The following PAK1 variants were observed in gnomAD, a reference collection of about 807,000 sequenced individuals.
The protein encoded by PAK1 is p21 (RAC1) activated kinase 1.
PAK1 carries 29 observed loss-of-function variants against 67.4 expected under a neutral mutation model. The ratio of observed to expected loss-of-function variants is 0.43; its 90% CI spans 0.32 to 0.59. The LOEUF is 0.59. Ranked by LOEUF, PAK1 falls within the 20% of genes least tolerant of loss-of-function variation. The pLI, the probability that PAK1 is intolerant of heterozygous loss-of-function variation, is 0.07. For missense variants in PAK1, 337 were observed against 670.7 expected, an observed-to-expected ratio of 0.50 and a Z score of 5.50; for synonymous variants, 223 against 237.4, an observed-to-expected ratio of 0.94 and a Z score of 0.56.
chr11:77,327,310 G>C lies in PAK1; in HGVS notation c.1552-3950C>G, dbSNP rs1940212008. Among the ~76,000 whole-genome samples the C allele has an allele frequency of 2.6e-5, 4 of 152,210 alleles. No homozygotes were observed. In the South Asian group the frequency reaches 8.3e-4, roughly 32 times the overall value. On this transcript the variant is annotated intron_variant, in intron 14 of 14. Coordinates refer to ENST00000356341, the MANE Select transcript of PAK1 (RefSeq NM_002576.5). The stretch of plus-strand genomic sequence containing the variant: ...GCCACAAAGATACTCCTCGAGAAGA[G>C]CAACTCCAAGACACATAATTGTCAG...
chr11:77,355,616 G>T, intron 7 of PAK1, 52 bp downstream of exon 7: 1 of 1,462,336 alleles, frequency 6.8e-7, no homozygotes, highest in Non-Finnish European at 9.5e-7. Context: ...AAATCTCTGT[G>T]CTTGACCAGT....
At position 77,423,436 on chromosome 11, in the gene PAK1, CA is replaced by C. The variant is rs1172588404; in HGVS notation, c.-21-30896del. Among the ~76,000 whole-genome samples the C allele has an allele frequency of 2.9e-3, 436 of 151,032 alleles. 4 individuals carry two copies. The highest frequency in any genetic ancestry group is 1.0e-2 in the African/African-American group (410 of 41,188). ...ACACACACACACACACACACACACA[CA>C]CACACCCCTTAGGACAATAGTAATC... On this transcript the variant is annotated intron_variant, in intron 1 of 14. Transcript: ENST00000356341.
chr11:77,401,033 G>T (rs1447871056), intron 1 of PAK1, among the ~76,000 whole-genome samples: 1 of 152,164 alleles, frequency 6.6e-6, no homozygotes, highest in Non-Finnish European at 1.5e-5. Flanking sequence ...AGAGGCAAAG[G>T]AAAGGAATAG....
chr11:77,383,991 C>G (rs1950157024), intron 2 of PAK1, among the ~76,000 whole-genome samples: 2 of 152,196 alleles, frequency 1.3e-5, no homozygotes. Context: ...AGTCTTCAAT[C>G]TGCAAAATAG....
At chr11:77,481,740 A>G in the PAK1 span, among the ~76,000 whole-genome samples, 2 of 151,506 alleles carry the variant, frequency 1.3e-5, no homozygotes, top group South Asian at 2.1e-4. Context: ...ATTTTTATGC[A>G]ATGATAGTTT....
chr11:77,417,008 C>A (rs1214079889), intron 1 of PAK1, among the ~76,000 whole-genome samples: 1 of 151,886 alleles, frequency 6.6e-6, no homozygotes, highest in Non-Finnish European at 1.5e-5. Context: ...GGCAGCACAG[C>A]AGGTTTGTTT....
chr11:77,451,447 C>T (rs1016348022), intron 1 of PAK1, among the ~76,000 whole-genome samples: 22 of 152,154 alleles, frequency 1.4e-4, no homozygotes, highest in African/African-American at 5.1e-4. Flanking sequence ...CATATTTCTC[C>T]AAGACTACCC....
intron 1 of PAK1, among the ~76,000 whole-genome samples, chr11:77,456,535 T>C (rs917268696): frequency 2.0e-5 from 3 of 152,140 alleles, no homozygotes; most frequent in African/African-American, 7.2e-5. Flanking sequence ...AATTGAAGAA[T>C]TAGGAACAAA....
At chr11:77,511,977 G>A in the PAK1 span, among the ~76,000 whole-genome samples, 47 of 152,130 alleles carry the variant, frequency 3.1e-4, no homozygotes, top group Non-Finnish European at 3.1e-4. Context: ...TCTCACTTTG[G>A]TAGGGGGATA....
At chr11:77,427,612 G>C (rs1955618755) in intron 1 of PAK1, among the ~76,000 whole-genome samples, 1 of 152,080 alleles carries the variant, frequency 6.6e-6, no homozygotes, top group Non-Finnish European at 1.5e-5. Flanking sequence ...TCATTCCCTT[G>C]ACAAGTTCCA....
intron 1 of PAK1, chr11:77,455,843 C>T (rs1448930414): frequency 1.3e-5 from 2 of 152,060 alleles, no homozygotes; most frequent in Non-Finnish European, 2.9e-5. Flanking sequence ...TCCACTACCT[C>T]CATGAAGAGA....
rs1401234056 is a variant in PAK1 at position 77,446,572 on chromosome 11, T to TG, written c.-22+26979dup. The stretch of plus-strand genomic sequence containing the variant: ...CCAAGGTCATATAGTTAATAGATGA[T>TG]GGAGCTAAGATTTGAATCCAGAACA... On this transcript the variant is annotated intron_variant, in intron 1 of 14. Coordinates refer to ENST00000356341, the MANE Select transcript of PAK1 (RefSeq NM_002576.5). Among the ~76,000 whole-genome samples the TG allele has an allele frequency of 2.0e-5, 3 of 148,766 alleles. No homozygotes were observed. The East Asian group carries it at 5.9e-4, about 29-fold the overall frequency.
intron 14 of PAK1, 88 bp from the exon 15 acceptor site, chr11:77,323,448 G>T: frequency 1.1e-6 from 1 of 888,504 alleles, no homozygotes; most frequent in Non-Finnish European, 1.9e-6. Flanking sequence ...ATCTTTGTTT[G>T]TAAAGGGTGC....
the PAK1 span, among the ~76,000 whole-genome samples, chr11:77,492,625 T>C: frequency 8.3e-5 from 12 of 145,226 alleles, no homozygotes; most frequent in Admixed American, 8.4e-4. Flanking sequence ...CACTATAACC[T>C]CAAACTCCTG....
chr11:77,397,828 A>C (rs1169123440), intron 1 of PAK1, among the ~76,000 whole-genome samples: 1 of 152,250 alleles, frequency 6.6e-6, no homozygotes, highest in Non-Finnish European at 1.5e-5. Context: ...CTAATGTTAC[A>C]GGTAGGAATA....
intron 1 of PAK1, among the ~76,000 whole-genome samples, chr11:77,451,986 T>G (rs1237039627): frequency 1.3e-5 from 2 of 152,212 alleles, no homozygotes; most frequent in African/African-American, 4.8e-5. Flanking sequence ...TTTATATATA[T>G]TAATGTCCTC....
chr11:77,447,755 A>C (rs7119033), intron 1 of PAK1, among the ~76,000 whole-genome samples: 55,868 of 151,810 alleles, frequency 0.37, 10,488 homozygotes, highest in South Asian at 0.51. Context: ...CAAACTCCTG[A>C]TCTCAGGTGA....
intron 13 of PAK1, among the ~76,000 whole-genome samples, chr11:77,333,918 G>A (rs1942194622): frequency 6.6e-6 from 1 of 152,050 alleles, no homozygotes; most frequent in Non-Finnish European, 1.5e-5. Flanking sequence ...CCAGCACTTT[G>A]GGAGGCTGAG....
At chr11:77,353,477 T>C in intron 8 of PAK1, 59 bp downstream of exon 8, 1 of 1,253,024 alleles carries the variant, frequency 8.0e-7, no homozygotes, top group Non-Finnish European at 1.2e-6. Context: ...CAAAATCATA[T>C]ATGCCGGCAC....
Sources: gnomAD v4.1 joint callset for allele counts (sites outside exome capture counted in the v4.1 genomes callset) on GRCh38, gnomAD v4.1.1 for gene constraint, MANE v1.5 for transcripts, NCBI Gene and HGNC (gene_info 2026-07-23, HGNC 2026-07-21) for gene names.